Variants in KCNIP4 observed in about 807,000 individuals in gnomAD.
The protein encoded by KCNIP4 is Kv channel-interacting protein 4.
KCNIP4 carries 12 observed loss-of-function variants against 34.0 expected under a neutral mutation model. The observed-to-expected ratio is 0.35, with a 90% CI of 0.23 to 0.57. The LOEUF (loss-of-function observed/expected upper bound fraction) is 0.57. Ranked by LOEUF, KCNIP4 falls within the 20% of genes least tolerant of loss-of-function variation. The pLI is 0.83. For missense variants in KCNIP4, 238 were observed against 311.7 expected, an observed-to-expected ratio of 0.76 and a Z score of 1.78; for synonymous variants, 124 against 102.2, an observed-to-expected ratio of 1.21 and a Z score of -1.29.
At chr4:21,034,783 C>T (rs920464639) in intron 1 of KCNIP4, among the ~76,000 whole-genome samples, 6 of 152,160 alleles carry the variant, frequency 3.9e-5, no homozygotes, top group Admixed American at 2.6e-4. Flanking sequence ...AAACTCAGCC[C>T]GGTAAACACA....
intron 1 of KCNIP4, among the ~76,000 whole-genome samples, chr4:21,885,541 T>C (rs1726717514): frequency 6.6e-6 from 1 of 152,136 alleles, no homozygotes; most frequent in Admixed American, 6.6e-5. Context: ...CTTGTTTTCT[T>C]GCCACGGGTT....
chr4:21,585,242 C>T (rs1295310417), intron 1 of KCNIP4, among the ~76,000 whole-genome samples: 7 of 152,028 alleles, frequency 4.6e-5, no homozygotes, highest in Non-Finnish European at 5.9e-5. Flanking sequence ...TACTGACATT[C>T]AGAGAGCTTA....
At chr4:21,023,851 C>T (rs1156585700) in intron 1 of KCNIP4, among the ~76,000 whole-genome samples, 1 of 152,022 alleles carries the variant, frequency 6.6e-6, no homozygotes, top group Admixed American at 6.6e-5. Context: ...CACTGCACTC[C>T]AGCCTGGGCA....
chr4:20,892,290 G>A (rs1159585038), intron 1 of KCNIP4, among the ~76,000 whole-genome samples: 2 of 152,154 alleles, frequency 1.3e-5, no homozygotes, highest in Admixed American at 6.5e-5. Context: ...AATGCAAATG[G>A]AGTAAATTTG....
rs529265063 is a variant in KCNIP4, at chr4:21,542,209, C to T, written c.61+406362G>A. On this transcript the variant is annotated intron_variant, in intron 1 of 8. Coordinates refer to ENST00000382152, the MANE Select transcript of KCNIP4 (RefSeq NM_025221.6). ...GTGTCTACCACCCAATGTGCCAACT[C>T]ATCTAGTGTCATAATTCAAAGGCGA... 7.9e-5 allele frequency among the ~76,000 whole-genome samples: 12 copies of T among 152,194 alleles called. No homozygotes were observed. In the South Asian group the frequency reaches 2.1e-3, roughly 26 times the overall value.
In KCNIP4 at chr4:21,037,229, C is replaced by T. The variant is rs144704307; in HGVS notation, c.62-154520G>A. ...AAAAATATTCTTATAAATTTAATGT[C>T]GCCAAAATGTACAGTGTGTATAAAG... On this transcript the variant is annotated intron_variant, in intron 1 of 8. Transcript: ENST00000382152. Among the ~76,000 whole-genome samples, 14 of 152,122 alleles carry T rather than the reference C, an allele frequency of 9.2e-5. No homozygotes were observed. The East Asian group carries it at 2.5e-3, about 27-fold the overall frequency.
At chr4:21,295,172 G>A (rs897240930) in intron 1 of KCNIP4, among the ~76,000 whole-genome samples, 3 of 152,094 alleles carry the variant, frequency 2.0e-5, no homozygotes, top group Non-Finnish European at 4.4e-5. Context: ...GAAGGTAGAG[G>A]GAAAACCTAG....
chr4:21,328,440 C>G lies in KCNIP4; in HGVS notation c.62-445731G>C, dbSNP rs375723556. On this transcript the variant is annotated intron_variant, in intron 1 of 8. Coordinates refer to ENST00000382152, the MANE Select transcript of KCNIP4 (RefSeq NM_025221.6). ...AACAAACAGAGTCACTCTTTGTGTG[C>G]TGAGGTGCCTGGAGCTGGGGGTGGA... 3.7e-4 allele frequency among the ~76,000 whole-genome samples: 56 copies of G among 152,270 alleles called. No homozygotes were observed. The South Asian group carries it at 5.2e-3, about 14-fold the overall frequency.
At chr4:20,944,263 CAG>C (rs2149625643) in intron 1 of KCNIP4, among the ~76,000 whole-genome samples, 2 of 152,254 alleles carry the variant, frequency 1.3e-5, no homozygotes, top group South Asian at 4.2e-4. Flanking sequence ...TCTGGAGGAG[CAG>C]TTTCATGTCT....
chr4:20,996,897 T>C (rs1219462080), intron 1 of KCNIP4, among the ~76,000 whole-genome samples: 1 of 152,152 alleles, frequency 6.6e-6, no homozygotes, highest in African/African-American at 2.4e-5. Context: ...GATTGTCAGT[T>C]ACAGGCTTTC....
At chr4:21,880,654 A>G (rs1353568965) in intron 1 of KCNIP4, among the ~76,000 whole-genome samples, 4 of 152,234 alleles carry the variant, frequency 2.6e-5, no homozygotes. Context: ...ACAAAATGAT[A>G]TTAACTGAGA....
At chr4:21,541,795 C>A (rs1737717847) in intron 1 of KCNIP4, among the ~76,000 whole-genome samples, 1 of 151,954 alleles carries the variant, frequency 6.6e-6, no homozygotes, top group Non-Finnish European at 1.5e-5. Flanking sequence ...GCACCTGCCA[C>A]CAGGCTCAGC....
intron 1 of KCNIP4, among the ~76,000 whole-genome samples, chr4:21,069,532 T>C (rs1744708537): frequency 6.6e-6 from 1 of 152,156 alleles, no homozygotes; most frequent in South Asian, 2.1e-4. Context: ...TCCTTTCACT[T>C]GCCCGGAGAA....
At chr4:21,910,837 CT>C (rs1254819860) in intron 1 of KCNIP4, among the ~76,000 whole-genome samples, 1 of 152,042 alleles carries the variant, frequency 6.6e-6, no homozygotes, top group Non-Finnish European at 1.5e-5. Context: ...CTTGAGTTTG[CT>C]TTTTTAAGAT....
At chr4:21,622,233 C>A (rs2109179617) in intron 1 of KCNIP4, among the ~76,000 whole-genome samples, 1 of 152,190 alleles carries the variant, frequency 6.6e-6, no homozygotes, top group East Asian at 1.9e-4. Context: ...TTGCTAAAGT[C>A]TTTTAATGAC....
chr4:21,238,935 G>T (rs1341426767), intron 1 of KCNIP4, among the ~76,000 whole-genome samples: 6 of 152,124 alleles, frequency 3.9e-5, no homozygotes, highest in African/African-American at 1.4e-4. Context: ...TAAGCCAAAA[G>T]AACAAAGCTG....
chr4:21,115,891 A>G (rs1197997620), intron 1 of KCNIP4, among the ~76,000 whole-genome samples: 1 of 152,234 alleles, frequency 6.6e-6, no homozygotes, highest in Non-Finnish European at 1.5e-5. Flanking sequence ...CTTAACAGAT[A>G]TAAGCTTTTT....
At chr4:20,828,940 C>T (rs1718092530) in intron 3 of KCNIP4, among the ~76,000 whole-genome samples, 1 of 152,196 alleles carries the variant, frequency 6.6e-6, no homozygotes, top group African/African-American at 2.4e-5. Flanking sequence ...AAGAAAGTGT[C>T]AGAAACCCCC....
chr4:20,928,177 T>C (rs1474865785), intron 1 of KCNIP4, among the ~76,000 whole-genome samples: 1 of 151,954 alleles, frequency 6.6e-6, no homozygotes, highest in African/African-American at 2.4e-5. Flanking sequence ...CTATAAATTA[T>C]ATTATCCTTA....
Sources: allele counts gnomAD v4.1 joint callset (sites outside exome capture counted in the v4.1 genomes callset), GRCh38; gene constraint gnomAD v4.1.1; transcripts MANE v1.5; gene names NCBI Gene and HGNC (gene_info 2026-07-23, HGNC 2026-07-21).